Variants in SLC6A16 observed in about 807,000 individuals in gnomAD.
SLC6A16 encodes orphan sodium- and chloride-dependent neurotransmitter transporter NTT5.
Under a neutral mutation model 65.4 loss-of-function variants are expected in SLC6A16, and 54 were observed. The observed-to-expected ratio is 0.83, with a 90% CI of 0.66 to 1.04. The LOEUF (loss-of-function observed/expected upper bound fraction) is 1.04. Among genes scored for constraint, SLC6A16 ranks in the 50% least tolerant of loss-of-function variants. SLC6A16 has a pLI of 0.00. For missense variants in SLC6A16, 816 were observed against 914.0 expected (o/e 0.89, Z 1.38); for synonymous variants, 330 against 346.5 (o/e 0.95, Z 0.53).
Position 49,293,450 on chromosome 19 carries a change from C to A in SLC6A16, c.1619-68G>T. The A allele has an allele frequency of 2.0e-6, 3 of 1,509,752 alleles. No homozygotes were observed. In the South Asian group the frequency reaches 3.4e-5, roughly 17 times the overall value. 93.5% of individuals were successfully genotyped at this position (1,509,752 alleles called of 1,614,324 possible). On this transcript the variant is annotated intron_variant, in intron 9 of 11. Coordinates refer to ENST00000335875, the MANE Select transcript of SLC6A16 (RefSeq NM_014037.3). ...CTGGGTGACAAGGGCTAAGTAGAGG[C>A]CATAGACCAGGGCTGGTGGCAGACC...
rs143802571 is a variant in SLC6A16, at chr19:49,299,170, C to T, written c.1230-4617G>A. The stretch of plus-strand genomic sequence containing the variant: ...CTGAGGCAGGAGAATGGCGTGAACC[C>T]GGGAGGCAGAGGTTACAGTGAGCCG... On this transcript the variant is annotated intron_variant, in intron 7 of 11. Coordinates refer to ENST00000335875, the MANE Select transcript of SLC6A16 (RefSeq NM_014037.3). Among the ~76,000 whole-genome samples the T allele has an allele frequency of 6.6e-3, 986 of 148,606 alleles. 14 individuals carry two copies. The highest frequency in any genetic ancestry group is 0.023 in the African/African-American group (944 of 40,172).
chr19:49,309,663 C>G lies in SLC6A16; in HGVS notation c.864G>C (p.Lys288Asn). ...ACTGGTGGCTCACCTTCCCAGTGGACTTGAGCCCATTGATCATGAAAGCAC... is the reference window on the plus strand; with the variant it reads ...ACTGGTGGCTCACCTTCCCAGTGGAGTTGAGCCCATTGATCATGAAAGCAC... ...LVGAFMINGLKSTGKVIYVLV... is the reference protein window; with the variant it reads ...LVGAFMINGLNSTGKVIYVLV... The change falls in exon 5 of 12, where the codon AAG becomes AAC. Residue 288 changes from lysine to asparagine, a missense_variant. Transcript: ENST00000335875. 1 of 1,613,496 alleles carries G rather than the reference C, an allele frequency of 6.2e-7. No individual in the cohort carries two copies. The highest frequency in any genetic ancestry group is 8.5e-7 in the Non-Finnish European group (1 of 1,179,460).
upstream of SLC6A16, among the ~76,000 whole-genome samples, chr19:49,325,382 C>G (rs1970784220): frequency 6.6e-6 from 1 of 152,228 alleles, no homozygotes; most frequent in South Asian, 2.1e-4. Context: ...CGCACCCCAC[C>G]CCGACACCCA....
chr19:49,327,860 G>A (rs976510276), upstream of SLC6A16, among the ~76,000 whole-genome samples: 8 of 152,206 alleles, frequency 5.3e-5, no homozygotes, highest in Admixed American at 5.2e-4. Flanking sequence ...AAGTACACTT[G>A]ATGGGTTCTG....
chr19:49,311,425 A>G lies in SLC6A16; in HGVS notation c.-64-14T>C, dbSNP rs1167822044. 2 of 1,463,864 alleles carry G rather than the reference A, an allele frequency of 1.4e-6. No homozygotes were observed. The highest frequency in any genetic ancestry group is 1.8e-6 in the Non-Finnish European group (2 of 1,096,900). 90.7% of individuals were successfully genotyped at this position (1,463,864 alleles called of 1,614,324 possible). A position where few individuals can be genotyped will look rare whatever the true frequency, so the allele number is the denominator to read the frequency against. On this transcript the variant is annotated splice_polypyrimidine_tract_variant and intron_variant, in intron 1 of 11. Coordinates refer to ENST00000335875, the MANE Select transcript of SLC6A16 (RefSeq NM_014037.3). Reference sequence around the variant, plus strand: ...TCCTGAGGAGACCTGAAGGACACCAAAATCTGTAGATTTTAGATTTTAGAG... The same window carrying G: ...TCCTGAGGAGACCTGAAGGACACCAGAATCTGTAGATTTTAGATTTTAGAG...
upstream of SLC6A16, among the ~76,000 whole-genome samples, chr19:49,326,712 A>G (rs147856272): frequency 9.7e-3 from 1,476 of 152,332 alleles, 26 homozygotes; most frequent in African/African-American, 0.033. Flanking sequence ...TTACATGATT[A>G]TAAATTGTAT....
chr19:49,339,952 C>A, the SLC6A16 span: 1 of 1,399,306 alleles, frequency 7.1e-7, no homozygotes, highest in Non-Finnish European at 9.3e-7. The surrounding 1 kb of genome is among the most constrained non-coding windows in gnomAD (Gnocchi z 4.5). Flanking sequence ...AGAGGAGGCA[C>A]AATTAGAGGC....
chr19:49,321,517 C>T (rs1970710846), intron 1 of SLC6A16, among the ~76,000 whole-genome samples: 1 of 151,976 alleles, frequency 6.6e-6, no homozygotes, highest in African/African-American at 2.4e-5. Flanking sequence ...GGGTGGATCA[C>T]CTGAGGTCAG....
the SLC6A16 span, among the ~76,000 whole-genome samples, chr19:49,333,677 C>G: frequency 3.9e-4 from 59 of 152,218 alleles, no homozygotes; most frequent in African/African-American, 1.4e-3. Context: ...TGCCTGAGCC[C>G]TCAGGACAGA....
At chr19:49,295,177 C>T (rs1403285456) in intron 7 of SLC6A16, among the ~76,000 whole-genome samples, 1 of 151,908 alleles carries the variant, frequency 6.6e-6, no homozygotes, top group Non-Finnish European at 1.5e-5. Flanking sequence ...GCTCATTGAT[C>T]GAGACCATCC....
At chr19:49,339,024 G>A in the SLC6A16 span, 2 of 1,094,034 alleles carry the variant, frequency 1.8e-6, no homozygotes, top group Admixed American at 1.8e-5. This position sits in a 1 kb window ranked among gnomAD's most constrained non-coding sequence, Gnocchi z 4.5. Flanking sequence ...GCCTGAGAAA[G>A]GGCGGGGTCT....
At chr19:49,314,561 G>A (rs1307860410) in intron 1 of SLC6A16, among the ~76,000 whole-genome samples, 1 of 152,124 alleles carries the variant, frequency 6.6e-6, no homozygotes, top group East Asian at 1.9e-4. Flanking sequence ...ATGAAAATTT[G>A]ATGGGGACAG....
At chr19:49,337,646 C>A in the SLC6A16 span, 5 of 1,510,420 alleles carry the variant, frequency 3.3e-6, no homozygotes, top group Non-Finnish European at 4.4e-6. Context: ...CGACCTGGAC[C>A]AAGGGAGACA....
intron 1 of SLC6A16, among the ~76,000 whole-genome samples, chr19:49,312,783 G>C (rs753013537): frequency 6.6e-6 from 1 of 152,070 alleles, no homozygotes; most frequent in African/African-American, 2.4e-5. Flanking sequence ...CTTCCAAAGA[G>C]CTCTTTGTTA....
At chr19:49,300,692 G>A (rs918595525) in intron 7 of SLC6A16, among the ~76,000 whole-genome samples, 2 of 152,104 alleles carry the variant, frequency 1.3e-5, no homozygotes, top group Non-Finnish European at 2.9e-5. Context: ...TATCATGATG[G>A]CAGAGAAAGG....
chr19:49,310,461 A>G lies in SLC6A16; in HGVS notation c.465T>C (p.Pro155=). ...YIFMLFLVGV[P]LLFLEMAAGQ... is the part of the protein sequence containing the mutation. ...CAGCTGCCATCTCCAGGAAGAGAAGAGGAACCCCGACCAGGAACAGCATGA... is the reference window on the plus strand; with the variant it reads ...CAGCTGCCATCTCCAGGAAGAGAAGGGGAACCCCGACCAGGAACAGCATGA... Residue 155 remains proline, a synonymous_variant, in exon 3 of 12, where the codon CCT becomes CCC. Coordinates refer to ENST00000335875, the MANE Select transcript of SLC6A16 (RefSeq NM_014037.3). 1 of 1,614,160 alleles carries G rather than the reference A, an allele frequency of 6.2e-7. No homozygotes were observed. Among genetic ancestry groups the G allele is most frequent in the East Asian group, 2.2e-5 (1 of 44,880 alleles).
intron 7 of SLC6A16, chr19:49,305,877 T>C (rs1291187193): frequency 2.0e-5 from 3 of 152,182 alleles, no homozygotes; most frequent in Middle Eastern, 3.2e-3. Context: ...GGAACATGCA[T>C]AAGAATGTTT....
the SLC6A16 span, among the ~76,000 whole-genome samples, chr19:49,332,506 C>T: frequency 7.3e-5 from 11 of 151,676 alleles, no homozygotes; most frequent in Non-Finnish European, 1.3e-4. Flanking sequence ...TGCAGTGAGC[C>T]GAGATCACAC....
chr19:49,339,819 G>A, the SLC6A16 span: 3 of 1,343,090 alleles, frequency 2.2e-6, no homozygotes, highest in African/African-American at 1.5e-5. The surrounding 1 kb of genome is among the most constrained non-coding windows in gnomAD (Gnocchi z 4.5). Flanking sequence ...GGGGCATGGC[G>A]GGTGCCTGCC....
Sources: gnomAD v4.1 joint callset for allele counts (sites outside exome capture counted in the v4.1 genomes callset) on GRCh38, gnomAD v4.1.1 for gene constraint, Gnocchi (gnomAD v3.1) non-coding constraint, MANE v1.5 for transcripts, NCBI Gene and HGNC (gene_info 2026-07-23, HGNC 2026-07-21) for gene names.